The following ARB2A variants were observed in gnomAD, a reference collection of about 807,000 sequenced individuals.
ARB2A encodes cotranscriptional regulator ARB2A.
At chr5:93,781,238 C>T in the ARB2A span, among the ~76,000 whole-genome samples, 1 of 152,228 alleles carries the variant, frequency 6.6e-6, no homozygotes, top group African/African-American at 2.4e-5. Flanking sequence ...TAGTTTAGCT[C>T]CCACTTAGAA....
chr5:93,726,703 C>T, the ARB2A span, among the ~76,000 whole-genome samples: 3 of 151,904 alleles, frequency 2.0e-5, no homozygotes, highest in East Asian at 3.9e-4. Context: ...ATTGGGGTTA[C>T]GTAACTTAAA....
chr5:93,699,459 A>G, the ARB2A span, among the ~76,000 whole-genome samples: 1 of 152,178 alleles, frequency 6.6e-6, no homozygotes, highest in Non-Finnish European at 1.5e-5. Context: ...TGACACTGGT[A>G]TTCACTAACC....
the ARB2A span, among the ~76,000 whole-genome samples, chr5:93,722,742 CTG>C: frequency 6.6e-6 from 1 of 152,018 alleles, no homozygotes; most frequent in Non-Finnish European, 1.5e-5. Context: ...GGTTATTCCT[CTG>C]TTACATTCTT....
At chr5:93,740,782 C>T in the ARB2A span, 5 of 1,612,312 alleles carry the variant, frequency 3.1e-6, no homozygotes, top group Non-Finnish European at 4.2e-6. Context: ...CATCTTGCTG[C>T]GGTTATAGAA....
the ARB2A span, among the ~76,000 whole-genome samples, chr5:93,928,542 A>T: frequency 6.6e-6 from 1 of 152,190 alleles, no homozygotes; most frequent in East Asian, 1.9e-4. Flanking sequence ...AACACAAGTT[A>T]TGTGGCTCCT....
At chr5:93,877,068 T>C in the ARB2A span, among the ~76,000 whole-genome samples, 1 of 152,182 alleles carries the variant, frequency 6.6e-6, no homozygotes, top group Non-Finnish European at 1.5e-5. Context: ...TCTGTAAATG[T>C]TTCTTTAACA....
the ARB2A span, among the ~76,000 whole-genome samples, chr5:93,799,011 T>A: frequency 6.6e-6 from 1 of 152,140 alleles, no homozygotes; most frequent in African/African-American, 2.4e-5. Context: ...CAAACTGGTT[T>A]CTTCATGTAG....
the ARB2A span, among the ~76,000 whole-genome samples, chr5:94,042,518 G>C: frequency 2.0e-5 from 3 of 151,924 alleles, no homozygotes; most frequent in Non-Finnish European, 4.4e-5. Context: ...TGTTAGCCAG[G>C]ATGGTCTCAA....
the ARB2A span, among the ~76,000 whole-genome samples, chr5:93,760,932 G>T: frequency 6.6e-6 from 1 of 152,170 alleles, no homozygotes; most frequent in Non-Finnish European, 1.5e-5. Context: ...GCTTTTGTAC[G>T]GCAAAAGGAA....
the ARB2A span, chr5:93,776,053 C>G: frequency 1.1e-6 from 1 of 911,092 alleles, no homozygotes; most frequent in Non-Finnish European, 1.7e-6. Context: ...TCTAACAACT[C>G]AAAGATAAAA....
chr5:93,697,394 T>C, the ARB2A span, among the ~76,000 whole-genome samples: 4 of 152,188 alleles, frequency 2.6e-5, no homozygotes, highest in African/African-American at 9.7e-5. Flanking sequence ...ACATTCTTTC[T>C]TATTAACTCA....
At chr5:93,723,063 C>T in the ARB2A span, among the ~76,000 whole-genome samples, 1 of 152,164 alleles carries the variant, frequency 6.6e-6, no homozygotes, top group Admixed American at 6.6e-5. Context: ...AATCTGTAGT[C>T]ATTTGTGACA....
the ARB2A span, chr5:93,620,040 G>A: frequency 6.6e-6 from 1 of 152,198 alleles, no homozygotes; most frequent in Non-Finnish European, 1.5e-5. Flanking sequence ...TTCTGGAAAG[G>A]ATTAACAACA....
chr5:93,712,435 T>C, the ARB2A span, among the ~76,000 whole-genome samples: 1 of 152,134 alleles, frequency 6.6e-6, no homozygotes, highest in African/African-American at 2.4e-5. Flanking sequence ...TTCAACATTG[T>C]ACATGAGGTT....
chr5:93,919,106 G>A, the ARB2A span, among the ~76,000 whole-genome samples: 34 of 152,140 alleles, frequency 2.2e-4, 1 homozygote, highest in African/African-American at 8.2e-4. Context: ...TGTCAGCAAA[G>A]TTAGGGAGAA....
the ARB2A span, chr5:93,736,140 T>C: frequency 6.6e-6 from 1 of 152,144 alleles, no homozygotes; most frequent in Non-Finnish European, 1.5e-5. Context: ...TGCTGATATA[T>C]ACGGTTCATT....
chr5:93,972,478 A>G, the ARB2A span, among the ~76,000 whole-genome samples: 366 of 152,166 alleles, frequency 2.4e-3, 1 homozygote, highest in Non-Finnish European at 4.2e-3. Context: ...AAAAAAAAAA[A>G]AGAGAGAGAG....
chr5:93,751,368 C>T, the ARB2A span, among the ~76,000 whole-genome samples: 1 of 152,118 alleles, frequency 6.6e-6, no homozygotes, highest in Non-Finnish European at 1.5e-5. Context: ...ATTAAACAGA[C>T]ACTATGGACA....
the ARB2A span, among the ~76,000 whole-genome samples, chr5:93,975,205 T>C: frequency 6.6e-6 from 1 of 150,662 alleles, no homozygotes; most frequent in African/African-American, 2.4e-5. Context: ...TAGTCCCAGC[T>C]ACTCCAGAGA....
Sources: gnomAD v4.1 joint callset for allele counts (sites outside exome capture counted in the v4.1 genomes callset) on GRCh38, gnomAD v4.1.1 for gene constraint, MANE v1.5 for transcripts, NCBI Gene and HGNC (gene_info 2026-07-23, HGNC 2026-07-21) for gene names.